The following ENDOU variants were observed in gnomAD, a reference collection of about 807,000 sequenced individuals.
ENDOU encodes the protein endonuclease, poly(U) specific, also known as uridylate-specific endoribonuclease.
In ENDOU, 49 loss-of-function variants were observed where a neutral mutation model predicts 54.2. The ratio of observed to expected loss-of-function variants is 0.90; its 90% confidence interval spans 0.72 to 1.15. The LOEUF (loss-of-function observed/expected upper bound fraction) is 1.15, where lower values mean the gene tolerates loss of function less well. Ranked by LOEUF, ENDOU falls within the 50% of genes most tolerant of loss-of-function variation. The probability of loss-of-function intolerance (pLI) is 0.00; values close to 1 mark genes in which losing one functional copy is unlikely to be tolerated. For synonymous variants in ENDOU, 172 were observed against 190.5 expected, an observed-to-expected ratio of 0.90 and a Z score of 0.80; for missense variants, 458 against 511.4, an observed-to-expected ratio of 0.90 and a Z score of 1.01.
chr12:47,720,901 CA>C, intron 1 of ENDOU, 26 bp from the exon 2 acceptor site: 2 of 1,535,598 alleles, frequency 1.3e-6, no homozygotes, highest in Non-Finnish European at 1.7e-6. Context: ...GTCACCAACT[CA>C]GCTCTATGGA....
intron 2 of ENDOU, among the ~76,000 whole-genome samples, chr12:47,718,893 C>T (rs377328046): frequency 6.6e-6 from 1 of 152,162 alleles, no homozygotes; most frequent in Non-Finnish European, 1.5e-5. Flanking sequence ...CCCCTCCACA[C>T]ACCCAACAAA....
intron 3 of ENDOU, 29 bp from the exon 4 acceptor site, chr12:47,717,684 G>A: frequency 6.2e-7 from 1 of 1,611,038 alleles, no homozygotes; most frequent in Non-Finnish European, 8.5e-7. Context: ...TGTGTCCCGG[G>A]CTGACCTCTA....
chr12:47,724,307 T>C (rs1448511409), intron 1 of ENDOU, among the ~76,000 whole-genome samples: 1 of 152,126 alleles, frequency 6.6e-6, no homozygotes, highest in Non-Finnish European at 1.5e-5. Flanking sequence ...GCAGAGCTGG[T>C]TTCTGGTAAG....
At position 47,717,004 on chromosome 12, in the gene ENDOU, TCA is replaced by T; in HGVS notation, c.435_436del (p.Lys147AspfsTer18). 6.2e-7 allele frequency: 1 copy of T among 1,614,088 alleles called. No homozygotes were observed. The highest frequency in any genetic ancestry group is 2.2e-5 in the East Asian group (1 of 44,880). On this transcript the variant is annotated frameshift_variant, in exon 5 of 10. Coordinates refer to ENST00000422538, the MANE Select transcript of ENDOU (RefSeq NM_001172439.2). LOFTEE classifies it high-confidence loss of function. ...GTTGGTGTCTGCCCTGTAGATCTTC[TCA>T]GAGATGCTCTGAATCTCCTCTTTTG...
rs113600701 is a variant in ENDOU at position 47,716,598 on chromosome 12, T to C, written c.552-99A>G. ...AGGCCAGGGGCAGACAGGCGAGGGCTGGGTTCAGGAGCCGAGGGGGCACTT... is the reference window on the plus strand; with the variant it reads ...AGGCCAGGGGCAGACAGGCGAGGGCCGGGTTCAGGAGCCGAGGGGGCACTT... On this transcript the variant is annotated intron_variant, in intron 5 of 9. Transcript: ENST00000422538. The C allele has an allele frequency of 6.9e-4, 799 of 1,152,910 alleles. 1 individual carries two copies. The African/African-American group carries it at 0.011, about 16-fold the overall frequency. 71.4% of individuals were successfully genotyped at this position (1,152,910 alleles called of 1,614,324 possible).
In ENDOU at chr12:47,713,316, T is replaced by C. The variant is rs1335261835; in HGVS notation, c.824A>G (p.Asn275Ser). 2 of 1,613,990 alleles carry C rather than the reference T, an allele frequency of 1.2e-6. No individual in the cohort carries two copies. The highest frequency in any genetic ancestry group is 1.7e-6 in the Non-Finnish European group (2 of 1,179,882). The part of the protein sequence containing the change: ...NMWFGLYSRG[N>S]EEGDSSGFEH... The stretch of plus-strand genomic sequence containing the variant: ...AAAGCCACTCGAGTCCCCCTCTTCA[T>C]TGCCTCTTGAATAGAGCCCAAACCA... The change falls in exon 7 of 10, where the codon AAT (asparagine) becomes AGT (serine). Residue 275 changes from asparagine to serine, a missense_variant. Coordinates refer to ENST00000422538, the MANE Select transcript of ENDOU (RefSeq NM_001172439.2).
chr12:47,718,034 TG>T, intron 3 of ENDOU, 94 bp downstream of exon 3: 1 of 1,105,786 alleles, frequency 9.0e-7, no homozygotes, highest in Non-Finnish European at 1.3e-6. Context: ...GGCTGAGGCC[TG>T]GGCCTGGTGC....
chr12:47,713,218 G>A, intron 7 of ENDOU, 57 bp downstream of exon 7: 1 of 1,259,330 alleles, frequency 7.9e-7, no homozygotes, highest in Non-Finnish European at 1.2e-6. Flanking sequence ...CTGCTCCTGA[G>A]CAAAGCCATT....
chr12:47,719,057 A>G (rs1940350804), intron 2 of ENDOU: 1 of 152,194 alleles, frequency 6.6e-6, no homozygotes. Context: ...CAATCCATGG[A>G]GTTCTGAATT....
At chr12:47,716,233 C>T in intron 6 of ENDOU, 67 bp downstream of exon 6, 5 of 1,535,300 alleles carry the variant, frequency 3.3e-6, no homozygotes, top group East Asian at 2.3e-5. Context: ...TAACCTTCCC[C>T]TCCCCCGCCC....
Position 47,711,692 on chromosome 12 carries a change from G to C in ENDOU, c.1056C>G (p.Ser352Arg), listed in dbSNP as rs796255238. The change falls in exon 9 of 10, where the codon AGC (serine) becomes AGG (arginine). Residue 352 changes from serine (S) to arginine (R), a missense_variant. Ser to Arg is a moderately radical substitution (Grantham distance 110, BLOSUM62 -1). Transcript: ENST00000422538. ...AGAGTGCAAACTCAAACTCAGGGCT[G>C]CTGCCGATGAAAGCAGAGCCCACTT... ...YKEVGSAFIG[S>R]SPEFEFALYS... The C allele has an allele frequency of 3.7e-6, 6 of 1,614,140 alleles. No homozygotes were observed. The African/African-American group carries it at 6.7e-5, about 18-fold the overall frequency.
At position 47,718,059 on chromosome 12, in the gene ENDOU, G is replaced by A. The variant is rs115565787; in HGVS notation, c.244+70C>T. The A allele has an allele frequency of 2.0e-4, 275 of 1,347,554 alleles. 1 individual carries two copies. In the African/African-American group the frequency reaches 3.5e-3, roughly 17 times the overall value. 83.5% of individuals were successfully genotyped at this position (1,347,554 alleles called of 1,614,324 possible). A position where few individuals can be genotyped will look rare whatever the true frequency, so the allele number is the denominator to read the frequency against. ...TGGGCCTGGTGCCACTGCCATGGCC[G>A]CCCCTGCTTGTCACCCTCATGTCCC... On this transcript the variant is annotated intron_variant, in intron 3 of 9. Coordinates refer to ENST00000422538, the MANE Select transcript of ENDOU (RefSeq NM_001172439.2).
intron 2 of ENDOU, 142 bp downstream of exon 2, chr12:47,720,611 A>G: frequency 1.2e-6 from 1 of 818,366 alleles, no homozygotes; most frequent in Non-Finnish European, 1.7e-6. Context: ...CAAATTCCTG[A>G]CCCTGCCTCT....
At chr12:47,725,238 G>A (rs1940548639) in intron 1 of ENDOU, 121 bp downstream of exon 1, 2 of 1,119,410 alleles carry the variant, frequency 1.8e-6, no homozygotes, top group South Asian at 2.6e-5. Flanking sequence ...TGCGGCTTTA[G>A]GACAGAGCTC....
chr12:47,711,559 C>T, intron 9 of ENDOU, 74 bp downstream of exon 9: 3 of 1,524,220 alleles, frequency 2.0e-6, no homozygotes, highest in Non-Finnish European at 2.7e-6. Flanking sequence ...GAGTCCAGGT[C>T]TCTTGACTCT....
Position 47,717,750 on chromosome 12 carries a change from C to G in ENDOU, c.245-95G>C. 9.0e-6 allele frequency: 12 copies of G among 1,334,088 alleles called. No individual in the cohort carries two copies. The South Asian group carries it at 1.4e-4, about 16-fold the overall frequency. The allele number at this position is 1,334,088 out of a possible 1,614,324, so 82.6% of individuals were successfully genotyped here. A position where few individuals can be genotyped will look rare whatever the true frequency, so the allele number is the denominator to read the frequency against. ...GCTCCCTAGCCTGGCTGTCTTCACT[C>G]TGCCCAGTAAAGATCTCCAGGGAAG... On this transcript the variant is annotated intron_variant, in intron 3 of 9. Transcript: ENST00000422538.
At position 47,710,727 on chromosome 12, in the gene ENDOU, C is replaced by T. The variant is rs1858217953; in HGVS notation, c.*75G>A. On this transcript the variant is annotated 3_prime_UTR_variant, in exon 10 of 10. Transcript: ENST00000422538. ...GGTGATCCCTTCCAGTCCTCTCCCT[C>T]TTCTCTCTAGTCCAGAGAAGATAGC... is the stretch of plus-strand genomic sequence containing the variant. The T allele has an allele frequency of 1.9e-6, 2 of 1,026,806 alleles. No homozygotes were observed. The highest frequency in any genetic ancestry group is 3.1e-6 in the Non-Finnish European group (2 of 646,788). 63.6% of individuals were successfully genotyped at this position (1,026,806 alleles called of 1,614,324 possible). A position where few individuals can be genotyped will look rare whatever the true frequency, so the allele number is the denominator to read the frequency against.
chr12:47,711,666 T>C lies in ENDOU; in HGVS notation c.1082A>G (p.Tyr361Cys), dbSNP rs1315899964. ...TGGCCTGGCGATGAAGCACAGGGAG[T>C]AGAGTGCAAACTCAAACTCAGGGCT... ...GSSPEFEFALYSLCFIARPGK... is the reference protein window; with the variant it reads ...GSSPEFEFALCSLCFIARPGK... Residue 361 changes from tyrosine (Y) to cysteine (C), a missense_variant, in exon 9 of 10, where the codon TAC becomes TGC. Tyr to Cys is a radical substitution (Grantham distance 194). Transcript: ENST00000422538. 5 of 1,613,726 alleles carry C rather than the reference T, an allele frequency of 3.1e-6. No individual in the cohort carries two copies. The highest frequency in any genetic ancestry group is 4.2e-6 in the Non-Finnish European group (5 of 1,179,916).
rs759182564 is a variant in ENDOU, at chr12:47,716,407, T to A, written c.644A>T (p.His215Leu). 1 of 1,614,170 alleles carries A rather than the reference T, an allele frequency of 6.2e-7. No individual in the cohort carries two copies. The highest frequency in any genetic ancestry group is 1.1e-5 in the South Asian group (1 of 91,080). Residue 215 changes from histidine to leucine, a missense_variant, in exon 6 of 10, where the codon CAT becomes CTT. By Grantham distance (99) the His-to-Leu change is moderately conservative (BLOSUM62 -3). Transcript: ENST00000422538. ...LLNNYQRATG[H>L]GEHFSAQELA... ...CTCCTGGGCACTGAAGTGCTCCCCA[T>A]GGCCTGTTGCCCGCTGGTAGTTGTT...
Sources: allele counts gnomAD v4.1 joint callset (sites outside exome capture counted in the v4.1 genomes callset), GRCh38; gene constraint gnomAD v4.1.1; transcripts MANE v1.5; gene names NCBI Gene and HGNC (gene_info 2026-07-23, HGNC 2026-07-21).